The following VAV3 variants were observed in gnomAD, a reference collection of about 807,000 sequenced individuals.
VAV3 encodes vav guanine nucleotide exchange factor 3, also known as guanine nucleotide exchange factor VAV3.
In VAV3, 94 loss-of-function variants were observed where a neutral mutation model predicts 131.2. The ratio of observed to expected loss-of-function variants is 0.72; its 90% CI spans 0.61 to 0.85. The LOEUF is 0.85. Ranked by LOEUF, VAV3 falls within the 40% of genes least tolerant of loss-of-function variation. The pLI is 0.00. For synonymous variants in VAV3, 349 were observed against 342.0 expected, an observed-to-expected ratio of 1.02 and a Z score of -0.22; for missense variants, 939 against 1,002.7, an observed-to-expected ratio of 0.94 and a Z score of 0.86.
intron 2 of VAV3, among the ~76,000 whole-genome samples, chr1:107,820,370 A>G (rs753516943): frequency 3.9e-5 from 6 of 152,216 alleles, no homozygotes; most frequent in Non-Finnish European, 8.8e-5. Context: ...CAGAAAGACA[A>G]ACTTCACATG....
intron 2 of VAV3, among the ~76,000 whole-genome samples, chr1:107,805,454 T>C (rs1263314545): frequency 3.3e-5 from 5 of 152,214 alleles, no homozygotes; most frequent in African/African-American, 1.2e-4. Context: ...CTCTCTCTGA[T>C]AAATTTTGCA....
chr1:107,926,968 A>T (rs1673187479), intron 1 of VAV3, among the ~76,000 whole-genome samples: 1 of 151,978 alleles, frequency 6.6e-6, no homozygotes, highest in Non-Finnish European at 1.5e-5. Context: ...CCAGCTGGGC[A>T]ACTAAGGGAG....
intron 2 of VAV3, among the ~76,000 whole-genome samples, chr1:107,786,979 CTACACACACACATACACACA>C (rs1480465752): frequency 1.3e-5 from 2 of 151,980 alleles, no homozygotes; most frequent in Non-Finnish European, 2.9e-5. Flanking sequence ...ACCCACCTAT[CTACACACACACATACACACA>C]TACACACACA....
rs577269927 is a variant in VAV3, at chr1:107,757,809, C to G, written c.1018-480G>C. ...CAGTCTTTCATAGTTTCTTCTTTAT[C>G]TGCTTCTTAGAAAGTTATTGTTCCT... On this transcript the variant is annotated intron_variant, in intron 10 of 26. Transcript: ENST00000370056. Among the ~76,000 whole-genome samples the G allele has an allele frequency of 4.6e-5, 7 of 152,180 alleles. No individual in the cohort carries two copies. The South Asian group carries it at 1.2e-3, about 27-fold the overall frequency.
intron 17 of VAV3, among the ~76,000 whole-genome samples, chr1:107,700,227 C>T (rs1481863608): frequency 6.6e-6 from 1 of 152,186 alleles, no homozygotes; most frequent in African/African-American, 2.4e-5. Flanking sequence ...ATGCAGTCAA[C>T]TTTCAACTTC....
intron 19 of VAV3, 107 bp from the exon 20 acceptor site, chr1:107,642,862 AC>A: frequency 6.9e-7 from 1 of 1,454,236 alleles, no homozygotes; most frequent in Admixed American, 2.1e-5. Context: ...TGTTAATACC[AC>A]CAAGTCCAAG....
At chr1:107,884,998 T>A (rs1176619270) in intron 1 of VAV3, among the ~76,000 whole-genome samples, 1 of 152,092 alleles carries the variant, frequency 6.6e-6, no homozygotes, top group Non-Finnish European at 1.5e-5. Flanking sequence ...GTAGTGGTAA[T>A]AATTGGAATA....
At chr1:107,921,535 A>T (rs530159560) in intron 1 of VAV3, among the ~76,000 whole-genome samples, 1 of 152,336 alleles carries the variant, frequency 6.6e-6, no homozygotes, top group South Asian at 2.1e-4. Context: ...TGGACACAGT[A>T]AAGTTCTGGA....
At chr1:107,914,214 G>T (rs1056340644) in intron 1 of VAV3, among the ~76,000 whole-genome samples, 3 of 152,188 alleles carry the variant, frequency 2.0e-5, no homozygotes, top group Admixed American at 1.3e-4. Flanking sequence ...CAATAGAGGG[G>T]ACAAACTCAA....
intron 2 of VAV3, among the ~76,000 whole-genome samples, chr1:107,860,408 T>C (rs531026301): frequency 4.8e-4 from 69 of 144,570 alleles, no homozygotes; most frequent in African/African-American, 1.6e-3. Flanking sequence ...TTTAAGTTCT[T>C]GGGCTTTTAA....
chr1:107,840,813 T>C (rs146453029), intron 2 of VAV3, among the ~76,000 whole-genome samples: 248 of 151,946 alleles, frequency 1.6e-3, no homozygotes, highest in African/African-American at 5.2e-3. Flanking sequence ...GACCAAGATA[T>C]AAGTACAGCA....
chr1:107,753,886 T>G (rs4531312), intron 12 of VAV3, among the ~76,000 whole-genome samples: 86,410 of 151,740 alleles, frequency 0.57, 24,885 homozygotes, highest in East Asian at 0.68. Flanking sequence ...TACCACAATT[T>G]TTTAAAGGCT....
intron 12 of VAV3, among the ~76,000 whole-genome samples, chr1:107,754,757 T>TG (rs1663998718): frequency 2.6e-5 from 4 of 152,200 alleles, no homozygotes; most frequent in Non-Finnish European, 4.4e-5. Flanking sequence ...GCTTCTTGAA[T>TG]ACACCTGGTT....
rs200181110 is a variant in VAV3 at position 107,749,564 on chromosome 1, G to C, written c.1290C>G (p.Ile430Met). 8 of 1,610,970 alleles carry C rather than the reference G, an allele frequency of 5.0e-6. No individual in the cohort carries two copies. In the South Asian group the frequency reaches 8.8e-5, roughly 18 times the overall value. ...RHIFLFDLAVIVCKRKGDNYE... is the reference protein window; with the variant it reads ...RHIFLFDLAVMVCKRKGDNYE... ...AGTTATCACCTTTTCTCTTACATAC[G>C]ATCACTGCCAAATCAAATAAGAAGA... Residue 430 changes from isoleucine (I) to methionine (M), a missense_variant, in exon 14 of 27, where the codon ATC (isoleucine) becomes ATG (methionine). By Grantham distance (10) the Ile-to-Met change is conservative. Coordinates refer to ENST00000370056, the MANE Select transcript of VAV3 (RefSeq NM_006113.5).
intron 1 of VAV3, among the ~76,000 whole-genome samples, chr1:107,913,214 C>T (rs1358015066): frequency 6.6e-6 from 1 of 152,090 alleles, no homozygotes; most frequent in African/African-American, 2.4e-5. Flanking sequence ...TCAGATTATA[C>T]AGACAAAAAG....
At chr1:107,822,235 TG>T (rs1452240087) in intron 2 of VAV3, among the ~76,000 whole-genome samples, 1 of 152,016 alleles carries the variant, frequency 6.6e-6, no homozygotes, top group Non-Finnish European at 1.5e-5. Context: ...TTGGAGCCCA[TG>T]GTTAGAAGAA....
intron 2 of VAV3, among the ~76,000 whole-genome samples, chr1:107,874,683 T>C (rs1670402499): frequency 6.6e-6 from 1 of 151,210 alleles, no homozygotes; most frequent in Non-Finnish European, 1.5e-5. Flanking sequence ...ATTTGGAAAG[T>C]TGATGCTAAT....
At chr1:107,767,728 T>C (rs1664813197) in intron 7 of VAV3, among the ~76,000 whole-genome samples, 1 of 152,170 alleles carries the variant, frequency 6.6e-6, no homozygotes, top group South Asian at 2.1e-4. Flanking sequence ...GGGGTGGGGA[T>C]GTATAAACCA....
chr1:107,608,014 C>T (rs1652428431), intron 22 of VAV3, among the ~76,000 whole-genome samples: 2 of 151,938 alleles, frequency 1.3e-5, no homozygotes, highest in Non-Finnish European at 2.9e-5. Context: ...CATCAAACTG[C>T]CTGCTTAGTT....
Sources: gnomAD v4.1 joint callset for allele counts (sites outside exome capture counted in the v4.1 genomes callset) on GRCh38, gnomAD v4.1.1 for gene constraint, MANE v1.5 for transcripts, NCBI Gene and HGNC (gene_info 2026-07-23, HGNC 2026-07-21) for gene names.